The following DENND6B variants were observed in gnomAD, a reference collection of about 807,000 sequenced individuals.
The protein encoded by DENND6B is protein DENND6B.
In DENND6B, 73 loss-of-function variants were observed where a neutral mutation model predicts 85.1. The ratio of observed to expected loss-of-function variants is 0.86; its 90% CI spans 0.71 to 1.04. The LOEUF is 1.04. DENND6B is among the 50% of genes least tolerant of loss of function. The pLI, the probability that DENND6B is intolerant of heterozygous loss-of-function variation, is 0.00. For synonymous variants in DENND6B, 357 were observed against 329.3 expected, an observed-to-expected ratio of 1.08 and a Z score of -0.91; for missense variants, 715 against 785.8, an observed-to-expected ratio of 0.91 and a Z score of 1.08.
In DENND6B at chr22:50,317,348, T is replaced by A. The variant is rs376137423; in HGVS notation, c.398A>T (p.Tyr133Phe). The A allele has an allele frequency of 1.9e-5, 30 of 1,612,876 alleles. No homozygotes were observed. The highest frequency in any genetic ancestry group is 2.3e-5 in the Non-Finnish European group (27 of 1,179,684). Residue 133 changes from tyrosine to phenylalanine, a missense_variant, in exon 5 of 20, where the codon TAC becomes TTC. By Grantham distance (22) the Tyr-to-Phe change is conservative (BLOSUM62 3). Transcript: ENST00000413817. ...GTCCTTCACCTGCCTGAAGTACACG[T>A]AGCCGAAGTAGTGTGCCGGCTCCCT... ...LQREPAHYFG[Y>F]VYFRQVKDSS...
chr22:50,320,398 C>T (rs891010479), intron 1 of DENND6B, among the ~76,000 whole-genome samples: 4 of 152,210 alleles, frequency 2.6e-5, no homozygotes, highest in African/African-American at 7.2e-5. Context: ...TGAAAATAGC[C>T]CTGCTCTTCT....
chr22:50,312,330 G>A lies in DENND6B; in HGVS notation c.1635+13C>T. The A allele has an allele frequency of 6.2e-7, 1 of 1,611,342 alleles. No homozygotes were observed. The highest frequency in any genetic ancestry group is 8.5e-7 in the Non-Finnish European group (1 of 1,179,270). The stretch of plus-strand genomic sequence containing the variant: ...GGCTGGTGGCGCTGGGACAAGGCTG[G>A]GAGGCATCTTACCAGCTTCTCACGA... On this transcript the variant is annotated intron_variant, in intron 19 of 19. Transcript: ENST00000413817.
In DENND6B at chr22:50,312,986, G is replaced by A; in HGVS notation, c.1457+13C>T. 1.9e-6 allele frequency: 3 copies of A among 1,546,650 alleles called. No individual in the cohort carries two copies. The highest frequency in any genetic ancestry group is 2.6e-6 in the Non-Finnish European group (3 of 1,143,952). ...AGGAGGGCTCAAGCTGCCTGCACCT[G>A]CAGTCCACGCACCTGTAGAGACCCA... On this transcript the variant is annotated intron_variant, in intron 17 of 19. Coordinates refer to ENST00000413817, the MANE Select transcript of DENND6B (RefSeq NM_001001794.4).
chr22:50,325,128 G>A (rs1204441264), intron 1 of DENND6B, among the ~76,000 whole-genome samples: 4 of 152,120 alleles, frequency 2.6e-5, no homozygotes, highest in Non-Finnish European at 4.4e-5. Flanking sequence ...TGATCTGCAG[G>A]TGCCCAGATC....
intron 9 of DENND6B, 59 bp from the exon 10 acceptor site, chr22:50,314,980 C>A (rs1005328285): frequency 1.4e-5 from 22 of 1,588,376 alleles, no homozygotes; most frequent in African/African-American, 1.3e-4. Flanking sequence ...CTGGCTCTGG[C>A]CCCGCTCTCC....
chr22:50,326,778 C>T, intron 1 of DENND6B, 34 bp downstream of exon 1: 1 of 1,346,578 alleles, frequency 7.4e-7, no homozygotes. Context: ...GCAGCCCTGC[C>T]CACCCGCCCG....
At position 50,316,775 on chromosome 22, in the gene DENND6B, T is replaced by G. The variant is rs1469955450; in HGVS notation, c.454-300A>C. The G allele has an allele frequency of 3.8e-6, 5 of 1,317,614 alleles. No individual in the cohort carries two copies. In the African/African-American group the frequency reaches 7.6e-5, roughly 20 times the overall value. The allele number at this position is 1,317,614 out of a possible 1,614,324, so 81.6% of individuals were successfully genotyped here. On this transcript the variant is annotated intron_variant, in intron 5 of 19. Coordinates refer to ENST00000413817, the MANE Select transcript of DENND6B (RefSeq NM_001001794.4). The stretch of plus-strand genomic sequence containing the variant: ...ACGACCTCCCCAGGGGCTGAGCAGC[T>G]TTTACTCTCTGCCTATGGCTTCCAG...
chr22:50,315,133 G>A (rs1312469274), intron 9 of DENND6B: 1 of 716,806 alleles, frequency 1.4e-6, no homozygotes, highest in Admixed American at 3.1e-5. Flanking sequence ...CTGGCCCTGG[G>A]AATGGGGGAC....
At chr22:50,320,813 G>A (rs931228522) in intron 1 of DENND6B, among the ~76,000 whole-genome samples, 1 of 152,206 alleles carries the variant, frequency 6.6e-6, no homozygotes, top group Non-Finnish European at 1.5e-5. Context: ...CCAGTCACAG[G>A]AGCCTGTGGC....
chr22:50,326,193 A>G (rs2042184449), intron 1 of DENND6B, among the ~76,000 whole-genome samples: 1 of 152,274 alleles, frequency 6.6e-6, no homozygotes, highest in Non-Finnish European at 1.5e-5. Context: ...TCGAAAGCCC[A>G]TGGGCACAGC....
chr22:50,313,089 G>T lies in DENND6B; in HGVS notation c.1367C>A (p.Pro456His). 1 of 1,556,590 alleles carries T rather than the reference G, an allele frequency of 6.4e-7. No individual in the cohort carries two copies. Among genetic ancestry groups the T allele is most frequent in the Non-Finnish European group, 8.7e-7 (1 of 1,150,764 alleles). Residue 456 changes from proline (P) to histidine (H), a missense_variant, in exon 17 of 20, where the codon CCC becomes CAC. Physicochemically the swap from Pro to His is moderately conservative, Grantham distance 77. Transcript: ENST00000413817. ...TPWKTPPQIQ[P>H]FSQDDFLRSL... Reference sequence around the variant, plus strand: ...ACGCAGGAAGTCATCCTGGCTGAAGGGCTGGATCTGGGGGGGAGTCTGAGA... The same window carrying T: ...ACGCAGGAAGTCATCCTGGCTGAAGTGCTGGATCTGGGGGGGAGTCTGAGA...
chr22:50,313,763 C>G (rs1386117697), intron 14 of DENND6B, 39 bp from the exon 15 acceptor site: 16 of 1,608,542 alleles, frequency 9.9e-6, no homozygotes, highest in Non-Finnish European at 1.4e-5. Context: ...CTGCGCTTCA[C>G]ACCACACCAG....
At chr22:50,316,153 C>G (rs756774736) in intron 7 of DENND6B, 21 bp downstream of exon 7, 120 of 1,612,440 alleles carry the variant, frequency 7.4e-5, no homozygotes, top group Non-Finnish European at 1.0e-4. Context: ...AGAGCCTACT[C>G]CCCAGCCAGC....
At chr22:50,313,552 ATCCCCCGCAGCCCCG>A (rs2068121878) in intron 15 of DENND6B, 53 bp from the exon 16 acceptor site, 1 of 389,650 alleles carries the variant, frequency 2.6e-6, no homozygotes, top group Non-Finnish European at 3.6e-6. Context: ...CCCCAGCCCC[ATCCCCCGCAGCCCCG>A]TCCCCCCCAA....
chr22:50,315,272 C>T (rs766834749), intron 9 of DENND6B, among the ~76,000 whole-genome samples: 2 of 152,196 alleles, frequency 1.3e-5, no homozygotes, highest in Non-Finnish European at 2.9e-5. Context: ...ATCCCAAGTG[C>T]AGCCCTGGCT....
Position 50,313,432 on chromosome 22 carries a change from C to A in DENND6B, c.1347+14G>T. The A allele has an allele frequency of 6.5e-7, 1 of 1,538,372 alleles. No homozygotes were observed. Among genetic ancestry groups the A allele is most frequent in the Non-Finnish European group, 8.8e-7 (1 of 1,142,816 alleles). On this transcript the variant is annotated intron_variant, in intron 16 of 19. Transcript: ENST00000413817. ...CCCTCCATGGACCCCACAAAACCCC[C>A]ACAGGACCCCCACCTTCCAGGGCGT... is the stretch of plus-strand genomic sequence containing the variant.
intron 16 of DENND6B, 53 bp downstream of exon 16, chr22:50,313,393 A>T: frequency 6.6e-7 from 1 of 1,523,074 alleles, no homozygotes; most frequent in Non-Finnish European, 8.8e-7. Flanking sequence ...CCTCCGGGTG[A>T]GGAAGGGAAC....
intron 17 of DENND6B, 29 bp from the exon 18 acceptor site, chr22:50,312,654 G>A (rs1020088299): frequency 5.2e-6 from 8 of 1,535,758 alleles, no homozygotes; most frequent in Middle Eastern, 1.8e-4. Flanking sequence ...GGGGGGCCAT[G>A]GGGCTGACCC....
chr22:50,317,332 C>T lies in DENND6B; in HGVS notation c.414G>A (p.Gln138=). ...AHYFGYVYFR[Q]VKDSSVKRGY... ...CCCTCTTCACAGAGCTGTCCTTCACCTGCCTGAAGTACACGTAGCCGAAGT... is the reference window on the plus strand; with the variant it reads ...CCCTCTTCACAGAGCTGTCCTTCACTTGCCTGAAGTACACGTAGCCGAAGT... The change falls in exon 5 of 20, where the codon CAG becomes CAA. Residue 138 remains glutamine (Q), a synonymous_variant. Transcript: ENST00000413817. 2 of 1,613,132 alleles carry T rather than the reference C, an allele frequency of 1.2e-6. No individual in the cohort carries two copies. The highest frequency in any genetic ancestry group is 1.7e-6 in the Non-Finnish European group (2 of 1,179,722).
Sources: gnomAD v4.1 joint callset for allele counts (sites outside exome capture counted in the v4.1 genomes callset) on GRCh38, gnomAD v4.1.1 for gene constraint, MANE v1.5 for transcripts, NCBI Gene and HGNC (gene_info 2026-07-23, HGNC 2026-07-21) for gene names.